Variants in DPP10 observed in about 807,000 individuals in gnomAD.
DPP10 encodes dipeptidyl peptidase like 10, also known as inactive dipeptidyl peptidase 10.
In DPP10, 33 loss-of-function variants were observed where a neutral mutation model predicts 120.9. The ratio of observed to expected loss-of-function variants is 0.27; its 90% confidence interval spans 0.21 to 0.37. DPP10 has a LOEUF of 0.37. Ranked by LOEUF, DPP10 falls within the 10% of genes least tolerant of loss-of-function variation. DPP10 has a pLI of 1.00. For missense variants in DPP10, 816 were observed against 942.8 expected (o/e 0.87, Z 1.76); for synonymous variants, 337 against 326.1 (o/e 1.03, Z -0.36).
At chr2:115,171,814 G>A (rs1200302271) in intron 1 of DPP10, among the ~76,000 whole-genome samples, 2 of 152,068 alleles carry the variant, frequency 1.3e-5, no homozygotes, top group Non-Finnish European at 2.9e-5. Context: ...TGATGTGCTA[G>A]TTCTAGGTCA....
chr2:115,448,285 C>T (rs1319696056), intron 3 of DPP10, among the ~76,000 whole-genome samples: 1 of 152,082 alleles, frequency 6.6e-6, no homozygotes, highest in Non-Finnish European at 1.5e-5. Context: ...TGGGTTCTAT[C>T]AGAATAAAAT....
intron 5 of DPP10, among the ~76,000 whole-genome samples, chr2:115,675,985 C>T (rs76751134): frequency 0.029 from 4,425 of 152,290 alleles, 150 homozygotes; most frequent in South Asian, 0.094. Context: ...GAAGCACATG[C>T]AGGACCCTCC....
chr2:114,650,425 AAAGTGAT>A (rs1696495447), intron 1 of DPP10, among the ~76,000 whole-genome samples: 5 of 152,180 alleles, frequency 3.3e-5, no homozygotes, highest in Non-Finnish European at 7.4e-5. Context: ...AGTGCTCCAA[AAAGTGAT>A]ACATGTACGC....
chr2:114,902,685 A>G (rs1348976375), intron 1 of DPP10, among the ~76,000 whole-genome samples: 1 of 152,216 alleles, frequency 6.6e-6, no homozygotes, highest in Non-Finnish European at 1.5e-5. Flanking sequence ...AAATTAAGAA[A>G]GTACAGAGAC....
intron 1 of DPP10, among the ~76,000 whole-genome samples, chr2:114,618,355 T>C (rs1693831991): frequency 6.6e-6 from 1 of 152,044 alleles, no homozygotes; most frequent in Admixed American, 6.6e-5. Context: ...AAACAGCCAT[T>C]AATGACAAGT....
chr2:115,482,059 T>G (rs2075464641), intron 3 of DPP10, among the ~76,000 whole-genome samples: 1 of 152,054 alleles, frequency 6.6e-6, no homozygotes, highest in Admixed American at 6.6e-5. Context: ...TTGTTTCATA[T>G]TACACCAGTA....
intron 5 of DPP10, among the ~76,000 whole-genome samples, chr2:115,678,193 G>T (rs1351411309): frequency 6.6e-6 from 1 of 152,242 alleles, no homozygotes; most frequent in Non-Finnish European, 1.5e-5. Context: ...GGAGCCAAAT[G>T]TTAATCACCA....
At chr2:114,815,658 G>A (rs1007140756) in intron 1 of DPP10, among the ~76,000 whole-genome samples, 14 of 152,116 alleles carry the variant, frequency 9.2e-5, no homozygotes, top group Admixed American at 4.6e-4. Context: ...CACTAAATAC[G>A]TAGAAGACGC....
intron 1 of DPP10, among the ~76,000 whole-genome samples, chr2:115,000,132 GT>G (rs1574665417): frequency 6.6e-6 from 1 of 150,560 alleles, no homozygotes; most frequent in African/African-American, 2.4e-5. Context: ...CATTTATGGG[GT>G]TTTTTTTCTC....
chr2:114,881,566 A>ATCTG (rs755303749), intron 1 of DPP10, among the ~76,000 whole-genome samples: 1 of 26,870 alleles, frequency 3.7e-5, no homozygotes, highest in South Asian at 2.2e-3. Flanking sequence ...TCTATGTATC[A>ATCTG]TCTATCTATC....
chr2:115,046,224 GT>G (rs1310127705), intron 1 of DPP10, among the ~76,000 whole-genome samples: 1 of 152,122 alleles, frequency 6.6e-6, no homozygotes, highest in Non-Finnish European at 1.5e-5. Flanking sequence ...AAATTATATT[GT>G]TTTAGAGCAA....
chr2:115,397,056 A>C (rs1358558521), intron 3 of DPP10, among the ~76,000 whole-genome samples: 1 of 152,210 alleles, frequency 6.6e-6, no homozygotes, highest in Non-Finnish European at 1.5e-5. Flanking sequence ...TGATGTGAAC[A>C]TTGACAGAAA....
At chr2:114,832,122 C>T (rs1462318118) in intron 1 of DPP10, among the ~76,000 whole-genome samples, 1 of 152,022 alleles carries the variant, frequency 6.6e-6, no homozygotes, top group African/African-American at 2.4e-5. Context: ...ATACTCAATG[C>T]TCTTCATAAA....
intron 1 of DPP10, among the ~76,000 whole-genome samples, chr2:115,106,633 A>AT (rs141868996): frequency 0.21 from 31,104 of 150,558 alleles, 3,890 homozygotes; most frequent in East Asian, 0.36. Flanking sequence ...CTAATTTTAC[A>AT]TTTTTTTTTC....
chr2:115,584,585 G>A (rs2082179768), intron 5 of DPP10, among the ~76,000 whole-genome samples: 1 of 152,216 alleles, frequency 6.6e-6, no homozygotes. Context: ...CTAGAGCTAT[G>A]CTTTTCTTCT....
At chr2:115,518,349 T>C (rs188813099) in intron 4 of DPP10, among the ~76,000 whole-genome samples, 65 of 152,284 alleles carry the variant, frequency 4.3e-4, no homozygotes, top group African/African-American at 1.5e-3. Context: ...TTCTCCTATT[T>C]TTTGGAATTA....
At chr2:115,304,389 CTA>C (rs2061274570) in intron 1 of DPP10, among the ~76,000 whole-genome samples, 1 of 152,046 alleles carries the variant, frequency 6.6e-6, no homozygotes, top group Non-Finnish European at 1.5e-5. Flanking sequence ...TGTTCACACT[CTA>C]GGGCTAAAAA....
At chr2:115,741,233 A>C (rs1037762553) in intron 9 of DPP10, among the ~76,000 whole-genome samples, 2 of 152,130 alleles carry the variant, frequency 1.3e-5, no homozygotes, top group African/African-American at 2.4e-5. Context: ...ATTAAATGCA[A>C]GATTATAAAG....
chr2:115,400,245 A>G (rs1165229367), intron 3 of DPP10, among the ~76,000 whole-genome samples: 1 of 152,192 alleles, frequency 6.6e-6, no homozygotes, highest in Admixed American at 6.5e-5. Context: ...GATCCAAACC[A>G]TGTCATGGCT....
Sources: gnomAD v4.1 joint callset for allele counts (sites outside exome capture counted in the v4.1 genomes callset) on GRCh38, gnomAD v4.1.1 for gene constraint, MANE v1.5 for transcripts, NCBI Gene and HGNC (gene_info 2026-07-23, HGNC 2026-07-21) for gene names.